EYA4: variants seen among roughly 807,000 people sequenced by gnomAD.
The protein encoded by EYA4 is EYA transcriptional coactivator and phosphatase 4.
A neutral mutation model predicts 87.9 loss-of-function variants in EYA4; 31 were observed. That is an observed-to-expected ratio of 0.35 (90% CI 0.27 to 0.48). EYA4 has a LOEUF of 0.48. EYA4 is among the 20% of genes least tolerant of loss of function. The pLI is 0.99. For synonymous variants in EYA4, 263 were observed against 270.6 expected, an observed-to-expected ratio of 0.97 and a Z score of 0.28; for missense variants, 678 against 761.4, an observed-to-expected ratio of 0.89 and a Z score of 1.29.
intron 2 of EYA4, among the ~76,000 whole-genome samples, chr6:133,326,585 T>C (rs1236574412): frequency 6.6e-6 from 1 of 152,220 alleles, no homozygotes; most frequent in Non-Finnish European, 1.5e-5. Flanking sequence ...GCGTTACTAT[T>C]GTTGACACCC....
chr6:133,396,475 T>G (rs1303883948), intron 3 of EYA4, among the ~76,000 whole-genome samples: 1 of 152,156 alleles, frequency 6.6e-6, no homozygotes, highest in Non-Finnish European at 1.5e-5. Flanking sequence ...GCAACAGCTG[T>G]TGTAGTAAAG....
intron 14 of EYA4, chr6:133,510,605 C>G (rs563978709): frequency 8.1e-6 from 2 of 247,176 alleles, no homozygotes; most frequent in Admixed American, 4.8e-5. Context: ...AAGCATAATG[C>G]CTCCTTTGGT....
At chr6:133,427,005 T>G (rs910901684) in intron 3 of EYA4, among the ~76,000 whole-genome samples, 2 of 152,216 alleles carry the variant, frequency 1.3e-5, no homozygotes, top group East Asian at 3.8e-4. Context: ...TACTAGAATA[T>G]AAGCTCCACA....
At position 133,265,383 on chromosome 6, in the gene EYA4, C is replaced by T. The variant is rs145160748; in HGVS notation, c.-65-9333C>T. ...CTGGTGGAACAGTCTTGAGATAGAG[C>T]GGGAACTAGATTATTGGCTCATAAA... On this transcript the variant is annotated intron_variant, in intron 1 of 19. Coordinates refer to ENST00000355286, the MANE Select transcript of EYA4 (RefSeq NM_004100.5). Among the ~76,000 whole-genome samples, 1,055 of 152,002 alleles carry T rather than the reference C, an allele frequency of 6.9e-3. 13 individuals carry two copies. The highest frequency in any genetic ancestry group is 0.024 in the African/African-American group (1,010 of 41,486).
chr6:133,274,880 G>A (rs1460378423), intron 2 of EYA4, 67 bp downstream of exon 2: 1 of 1,150,470 alleles, frequency 8.7e-7, no homozygotes, highest in Admixed American at 1.7e-5. Flanking sequence ...ATACGTAAAA[G>A]AGATATATTG....
chr6:133,254,540 A>G (rs1402544899), intron 1 of EYA4, among the ~76,000 whole-genome samples: 1 of 152,198 alleles, frequency 6.6e-6, no homozygotes, highest in African/African-American at 2.4e-5. Context: ...AAAACCACCA[A>G]TTTGCTTATT....
intron 2 of EYA4, among the ~76,000 whole-genome samples, chr6:133,301,934 G>T (rs890324390): frequency 1.3e-5 from 2 of 152,222 alleles, no homozygotes; most frequent in African/African-American, 4.8e-5. Context: ...GGAGCTGTGG[G>T]CACATCTGCC....
At chr6:133,326,381 A>T (rs750086153) in intron 2 of EYA4, among the ~76,000 whole-genome samples, 9 of 152,228 alleles carry the variant, frequency 5.9e-5, no homozygotes, top group Non-Finnish European at 1.0e-4. Flanking sequence ...TCTTTGGAGC[A>T]TTTCAGATTT....
rs373839479 is a variant in EYA4 at position 133,368,237 on chromosome 6, C to T, written c.34-14155C>T. Among the ~76,000 whole-genome samples the T allele has an allele frequency of 2.6e-5, 4 of 152,120 alleles. No homozygotes were observed. In the South Asian group the frequency reaches 6.2e-4, roughly 24 times the overall value. ...AAACTGCAAATGACATTTGTTTTCA[C>T]GTTTATATTTATAAAGTCTTCACCA... is the stretch of plus-strand genomic sequence containing the variant. On this transcript the variant is annotated intron_variant, in intron 2 of 19. Transcript: ENST00000355286.
At chr6:133,460,347 C>CCTTGACTGTCTT (rs200910101) in intron 6 of EYA4, among the ~76,000 whole-genome samples, 2,347 of 152,142 alleles carry the variant, frequency 0.015, 67 homozygotes, top group African/African-American at 0.051. Context: ...TTAGTCAAGG[C>CCTTGACTGTCTT]AGATAGTTAA....
intron 1 of EYA4, among the ~76,000 whole-genome samples, chr6:133,268,101 C>A (rs941614609): frequency 2.0e-5 from 3 of 152,032 alleles, no homozygotes; most frequent in Admixed American, 2.0e-4. Flanking sequence ...TGAAAGTGAA[C>A]GCTTTTCCAT....
At position 133,274,754 on chromosome 6, in the gene EYA4, G is replaced by C. The variant is rs774700638; in HGVS notation, c.-27G>C. On this transcript the variant is annotated 5_prime_UTR_variant, in exon 2 of 20. Transcript: ENST00000355286. Reference sequence around the variant, plus strand: ...CTTGAAGGAAGCTGCTTCTACTTGGGAGTGGCAGGAGAAGTGAGAAAACCA... The same window carrying C: ...CTTGAAGGAAGCTGCTTCTACTTGGCAGTGGCAGGAGAAGTGAGAAAACCA... 1.9e-6 allele frequency: 3 copies of C among 1,606,674 alleles called. No homozygotes were observed. The highest frequency in any genetic ancestry group is 2.6e-6 in the Non-Finnish European group (3 of 1,173,520).
chr6:133,482,126 C>T (rs1414325123), intron 12 of EYA4, among the ~76,000 whole-genome samples: 2 of 152,128 alleles, frequency 1.3e-5, no homozygotes, highest in African/African-American at 2.4e-5. Context: ...TATATCTGTA[C>T]TAAGCAGGGT....
At chr6:133,512,062 T>A (rs761090794) in intron 14 of EYA4, among the ~76,000 whole-genome samples, 5 of 152,208 alleles carry the variant, frequency 3.3e-5, no homozygotes, top group Admixed American at 6.5e-5. Context: ...ACATTTGAGA[T>A]GATAAATCGT....
chr6:133,523,327 T>C lies in EYA4; in HGVS notation c.1738+150T>C, dbSNP rs1013424854. The C allele has an allele frequency of 3.9e-6, 3 of 763,834 alleles. No homozygotes were observed. In the African/African-American group the frequency reaches 5.2e-5, roughly 13 times the overall value. The allele number at this position is 763,834 out of a possible 1,614,324, so 47.3% of individuals were successfully genotyped here. On this transcript the variant is annotated intron_variant, in intron 18 of 19. Coordinates refer to ENST00000355286, the MANE Select transcript of EYA4 (RefSeq NM_004100.5). The stretch of plus-strand genomic sequence containing the variant: ...TCCCCTACAACTCATTGTACATGTA[T>C]GAATTTTTTGAGAACTGTTGCCTAG...
chr6:133,243,387 T>C (rs1242769447), intron 1 of EYA4, among the ~76,000 whole-genome samples: 2 of 152,214 alleles, frequency 1.3e-5, no homozygotes, highest in African/African-American at 2.4e-5. Context: ...TCTTCTCATC[T>C]GTGGCCACTT....
intron 2 of EYA4, among the ~76,000 whole-genome samples, chr6:133,319,132 C>CAGAT (rs2128349275): frequency 6.6e-6 from 1 of 152,282 alleles, no homozygotes; most frequent in South Asian, 2.1e-4. Context: ...CCTCTTCTAT[C>CAGAT]AGATTTTAGA....
chr6:133,272,767 C>T (rs1054487974), intron 1 of EYA4, among the ~76,000 whole-genome samples: 2 of 152,182 alleles, frequency 1.3e-5, no homozygotes, highest in African/African-American at 4.8e-5. Flanking sequence ...GCTTGCACAG[C>T]AGCCTGGACC....
chr6:133,450,766 C>T (rs186243714), intron 5 of EYA4, among the ~76,000 whole-genome samples: 98 of 152,352 alleles, frequency 6.4e-4, no homozygotes, highest in African/African-American at 2.3e-3. Context: ...CTACCTAGGC[C>T]TCCCAAAGTG....
Sources: allele counts gnomAD v4.1 joint callset (sites outside exome capture counted in the v4.1 genomes callset), GRCh38; gene constraint gnomAD v4.1.1; transcripts MANE v1.5; gene names NCBI Gene and HGNC (gene_info 2026-07-23, HGNC 2026-07-21).